Variants in CUX1 observed in about 807,000 individuals in gnomAD.
CUX1 encodes cut like homeobox 1, also known as protein CASP.
In CUX1, 31 loss-of-function variants were observed where a neutral mutation model predicts 158.8. The ratio of observed to expected loss-of-function variants is 0.20; its 90% CI spans 0.15 to 0.26. CUX1 has a LOEUF of 0.26. CUX1 is among the 10% of genes least tolerant of loss of function. The probability of loss-of-function intolerance (pLI) is 1.00; values close to 1 mark genes in which losing one functional copy is unlikely to be tolerated. For synonymous variants in CUX1, 879 were observed against 862.1 expected (o/e 1.02, Z -0.34); for missense variants, 1,589 against 2,014.6 (o/e 0.79, Z 4.04).
intron 2 of CUX1, among the ~76,000 whole-genome samples, chr7:101,994,513 A>G (rs1259303103): frequency 1.3e-5 from 2 of 152,216 alleles, no homozygotes; most frequent in East Asian, 1.9e-4. Context: ...AGGCAGGAGA[A>G]TCGCTTAAAC....
rs545256017 is a variant in CUX1 at position 101,995,740 on chromosome 7, T to G, written c.142-32358T>G. Among the ~76,000 whole-genome samples the G allele has an allele frequency of 1.8e-4, 27 of 152,132 alleles. No homozygotes were observed. The South Asian group carries it at 4.0e-3, about 22-fold the overall frequency. Reference sequence around the variant, plus strand: ...GGCGTCTGCTTAGCACCCTGGTGAGTGGAGAGTTGTGTGTATGGGGACTTA... The same window carrying G: ...GGCGTCTGCTTAGCACCCTGGTGAGGGGAGAGTTGTGTGTATGGGGACTTA... On this transcript the variant is annotated intron_variant, in intron 2 of 23. Transcript: ENST00000292535.
chr7:101,853,072 A>G (rs1351623839), intron 1 of CUX1, among the ~76,000 whole-genome samples: 3 of 152,292 alleles, frequency 2.0e-5, no homozygotes, highest in Middle Eastern at 6.8e-3. Flanking sequence ...AAAATATAAT[A>G]CAGTGAACAC....
rs781996979 is a variant in CUX1 at position 102,205,173 on chromosome 7, A to G, written c.3130+3A>G. 1 of 1,606,832 alleles carries G rather than the reference A, an allele frequency of 6.2e-7. No homozygotes were observed. Among genetic ancestry groups the G allele is most frequent in the Non-Finnish European group, 8.5e-7 (1 of 1,174,298 alleles). On this transcript the variant is annotated splice_donor_region_variant and intron_variant, in intron 20 of 23. Coordinates refer to ENST00000292535, the MANE Select transcript of CUX1 (RefSeq NM_181552.4). ...GCAGCAGGGCTGTGTGAGCTCAGGT[A>G]AGCAGCCAGTTTCTGTTGCTTTTGC...
chr7:102,037,997 G>C (rs1293915331), intron 3 of CUX1, among the ~76,000 whole-genome samples: 1 of 151,246 alleles, frequency 6.6e-6, no homozygotes, highest in Non-Finnish European at 1.5e-5. Flanking sequence ...GGAGGCTGCA[G>C]TGAGCTGAAA....
At chr7:102,269,431 G>T (rs1398762492) in intron 14 of CUX1, among the ~76,000 whole-genome samples, 5 of 150,964 alleles carry the variant, frequency 3.3e-5, no homozygotes, top group African/African-American at 1.2e-4. Context: ...TTTAGATGGA[G>T]TTTCACTCTT....
intron 9 of CUX1, among the ~76,000 whole-genome samples, chr7:102,164,528 A>G (rs1385444820): frequency 1.3e-5 from 2 of 152,162 alleles, no homozygotes; most frequent in East Asian, 3.9e-4. Flanking sequence ...AGACTGCCCT[A>G]GTGGAGGACT....
At chr7:101,880,330 A>G (rs1799584005) in intron 1 of CUX1, among the ~76,000 whole-genome samples, 1 of 152,168 alleles carries the variant, frequency 6.6e-6, no homozygotes, top group Non-Finnish European at 1.5e-5. Flanking sequence ...CCTTTGGAAC[A>G]ATGGCTCACA....
At chr7:101,922,334 A>G (rs1805052966) in intron 2 of CUX1, among the ~76,000 whole-genome samples, 1 of 152,176 alleles carries the variant, frequency 6.6e-6, no homozygotes, top group Non-Finnish European at 1.5e-5. Context: ...GACTTTCCCC[A>G]CAGAAACACT....
At chr7:102,128,291 T>C (rs1554496027) in intron 8 of CUX1, among the ~76,000 whole-genome samples, 1 of 152,144 alleles carries the variant, frequency 6.6e-6, no homozygotes, top group East Asian at 1.9e-4. Context: ...TAGTGAAAAG[T>C]CAGGGACAGT....
chr7:101,914,544 G>C (rs2129083248), intron 1 of CUX1, among the ~76,000 whole-genome samples: 1 of 150,966 alleles, frequency 6.6e-6, no homozygotes, highest in South Asian at 2.1e-4. Context: ...TCATGCCCAG[G>C]CTGGAGTGCA....
chr7:102,151,785 G>C (rs1835711464), intron 8 of CUX1, among the ~76,000 whole-genome samples: 2 of 109,808 alleles, frequency 1.8e-5, no homozygotes, highest in Admixed American at 2.0e-4. Context: ...CCCAAAGCAA[G>C]ACCCGCCTCC....
At chr7:101,925,141 C>G (rs1010693518) in intron 2 of CUX1, among the ~76,000 whole-genome samples, 1 of 152,152 alleles carries the variant, frequency 6.6e-6, no homozygotes, top group African/African-American at 2.4e-5. Context: ...TAGAATTCCA[C>G]TCCGTCACCC....
At chr7:102,175,275 C>T (rs75800961) in intron 10 of CUX1, among the ~76,000 whole-genome samples, 4 of 152,232 alleles carry the variant, frequency 2.6e-5, no homozygotes, top group Admixed American at 6.5e-5. Context: ...GATACATTCA[C>T]TTTGACTTGC....
intron 9 of CUX1, among the ~76,000 whole-genome samples, chr7:102,166,095 G>A (rs1458194750): frequency 6.6e-6 from 1 of 152,156 alleles, no homozygotes; most frequent in South Asian, 2.1e-4. Flanking sequence ...CACATGCCAG[G>A]GACCTTCGTG....
chr7:101,920,075 G>A (rs1225468891), intron 2 of CUX1, among the ~76,000 whole-genome samples: 2 of 152,056 alleles, frequency 1.3e-5, no homozygotes, highest in African/African-American at 2.4e-5. Context: ...TTACAGGAAC[G>A]TGGCACCACA....
At chr7:101,906,567 G>A (rs1802781359) in intron 1 of CUX1, among the ~76,000 whole-genome samples, 1 of 151,926 alleles carries the variant, frequency 6.6e-6, no homozygotes, top group African/African-American at 2.4e-5. Context: ...ATTTGAGCAG[G>A]GAACGCCAAG....
chr7:102,239,200 T>G, intron 22 of CUX1, 120 bp from the exon 23 acceptor site: 1 of 1,201,360 alleles, frequency 8.3e-7, no homozygotes, highest in Non-Finnish European at 1.1e-6. Flanking sequence ...TCTTAGTGTT[T>G]TGAGATGCTC....
intron 2 of CUX1, among the ~76,000 whole-genome samples, chr7:101,993,222 C>T (rs568178743): frequency 4.6e-5 from 7 of 152,212 alleles, no homozygotes; most frequent in East Asian, 3.9e-4. Context: ...CCTAGTTACT[C>T]GTGAGGCTGA....
At position 102,254,521 on chromosome 7, in the gene CUX1, C is replaced by T; in HGVS notation, c.*5479C>T. The T allele has an allele frequency of 1.0e-6, 1 of 985,512 alleles. No individual in the cohort carries two copies. The highest frequency in any genetic ancestry group is 1.2e-6 in the Non-Finnish European group (1 of 829,986). 61.0% of individuals were successfully genotyped at this position (985,512 alleles called of 1,614,324 possible). On this transcript the variant is annotated 3_prime_UTR_variant, in exon 24 of 24. Coordinates refer to ENST00000292535, the MANE Select transcript of CUX1 (RefSeq NM_181552.4). ...CATCCAGCACCGAAGAAAATCAGCT[C>T]CTGGGGCTGGTGGTTGGAGGTGGGT...
Sources: gnomAD v4.1 joint callset for allele counts (sites outside exome capture counted in the v4.1 genomes callset) on GRCh38, gnomAD v4.1.1 for gene constraint, MANE v1.5 for transcripts, NCBI Gene and HGNC (gene_info 2026-07-23, HGNC 2026-07-21) for gene names.